The following OSBP2 variants were observed in gnomAD, a reference collection of about 807,000 sequenced individuals.
OSBP2 encodes the protein oxysterol binding protein 2, also known as oxysterol-binding protein 2.
OSBP2 carries 66 observed loss-of-function variants against 96.0 expected under a neutral mutation model. That is an observed-to-expected ratio of 0.69 (90% CI 0.56 to 0.84). OSBP2 has a LOEUF of 0.84. OSBP2 is among the 40% of genes least tolerant of loss of function. OSBP2 has a pLI of 0.00. For missense variants in OSBP2, 1,038 were observed against 1,222.7 expected, an observed-to-expected ratio of 0.85 and a Z score of 2.25; for synonymous variants, 525 against 520.9, an observed-to-expected ratio of 1.01 and a Z score of -0.11.
chr22:30,846,605 C>A (rs773942520), intron 2 of OSBP2, among the ~76,000 whole-genome samples: 2 of 152,016 alleles, frequency 1.3e-5, no homozygotes, highest in Non-Finnish European at 2.9e-5. Flanking sequence ...CCCCTTCCCT[C>A]CCTCTCACTC....
intron 2 of OSBP2, chr22:30,764,288 G>A (rs2090242670): frequency 1.2e-5 from 12 of 985,012 alleles, no homozygotes; most frequent in Middle Eastern, 5.2e-4. Context: ...TGGGGTGGGC[G>A]GGGATGAGGA....
chr22:30,896,835 A>G (rs1049060591), intron 12 of OSBP2, among the ~76,000 whole-genome samples: 3 of 151,886 alleles, frequency 2.0e-5, no homozygotes, highest in African/African-American at 7.3e-5. Flanking sequence ...TTTTATAGAG[A>G]CAGGGTGTCA....
At chr22:30,788,282 A>G (rs2145820938) in intron 2 of OSBP2, among the ~76,000 whole-genome samples, 1 of 152,186 alleles carries the variant, frequency 6.6e-6, no homozygotes, top group East Asian at 1.9e-4. Context: ...ATATCCTTTT[A>G]TATACAGTTT....
intron 2 of OSBP2, among the ~76,000 whole-genome samples, chr22:30,792,390 C>T (rs530044083): frequency 1.5e-4 from 22 of 151,508 alleles, no homozygotes; most frequent in Non-Finnish European, 2.8e-4. Flanking sequence ...GTATTTTTTT[C>T]ATCCACCATC....
At chr22:30,857,142 C>T (rs2039095025) in intron 2 of OSBP2, among the ~76,000 whole-genome samples, 1 of 152,228 alleles carries the variant, frequency 6.6e-6, no homozygotes, top group African/African-American at 2.4e-5. Context: ...GTAGTGACTG[C>T]AGCAGCCCCC....
At chr22:30,776,375 C>T (rs2090436846) in intron 2 of OSBP2, among the ~76,000 whole-genome samples, 1 of 152,064 alleles carries the variant, frequency 6.6e-6, no homozygotes, top group South Asian at 2.1e-4. Context: ...TCTGCCCGCC[C>T]CTGCCTCCCA....
At chr22:30,774,625 CAGTA>C (rs1222423411) in intron 2 of OSBP2, among the ~76,000 whole-genome samples, 1 of 152,202 alleles carries the variant, frequency 6.6e-6, no homozygotes, top group Non-Finnish European at 1.5e-5. Context: ...ACTCACCCAG[CAGTA>C]ATGACAGTTA....
At chr22:30,789,429 C>T (rs911506013) in intron 2 of OSBP2, among the ~76,000 whole-genome samples, 5 of 152,158 alleles carry the variant, frequency 3.3e-5, no homozygotes, top group Non-Finnish European at 7.3e-5. Context: ...AAGTGGGCTC[C>T]GGTCTGCTTT....
chr22:30,857,073 T>C (rs2039093695), intron 2 of OSBP2, among the ~76,000 whole-genome samples: 1 of 152,220 alleles, frequency 6.6e-6, no homozygotes, highest in Non-Finnish European at 1.5e-5. Flanking sequence ...TTTTCTCCTT[T>C]GCAAAAACTG....
intron 2 of OSBP2, among the ~76,000 whole-genome samples, chr22:30,813,828 G>A (rs2091045040): frequency 6.6e-6 from 1 of 151,086 alleles, no homozygotes; most frequent in Non-Finnish European, 1.5e-5. Context: ...TTGAGATGGA[G>A]TTTTGCTCTT....
chr22:30,726,565 G>T (rs888378290), intron 1 of OSBP2, among the ~76,000 whole-genome samples: 1 of 151,620 alleles, frequency 6.6e-6, no homozygotes, highest in Non-Finnish European at 1.5e-5. Context: ...GTTGATAGGT[G>T]CAGCAGACCA....
At chr22:30,706,414 C>G (rs1049268614) in intron 1 of OSBP2, among the ~76,000 whole-genome samples, 1 of 152,124 alleles carries the variant, frequency 6.6e-6, no homozygotes, top group Non-Finnish European at 1.5e-5. Context: ...GTCACACGCA[C>G]AGCCACAGCT....
At chr22:30,806,289 A>G (rs1336895985) in intron 2 of OSBP2, among the ~76,000 whole-genome samples, 2 of 152,198 alleles carry the variant, frequency 1.3e-5, no homozygotes, top group African/African-American at 4.8e-5. Context: ...CTCCAGGCTC[A>G]CAATCCAGTG....
intron 2 of OSBP2, among the ~76,000 whole-genome samples, chr22:30,864,878 G>C (rs1242149898): frequency 6.6e-6 from 1 of 152,062 alleles, no homozygotes; most frequent in African/African-American, 2.4e-5. Context: ...GAGCTCACGG[G>C]CAGTGAGGGC....
chr22:30,805,232 C>A (rs1466254294), intron 2 of OSBP2, among the ~76,000 whole-genome samples: 1 of 152,174 alleles, frequency 6.6e-6, no homozygotes, highest in African/African-American at 2.4e-5. Context: ...ATAAAACGTG[C>A]ATGAAAAATA....
intron 2 of OSBP2, among the ~76,000 whole-genome samples, chr22:30,785,469 A>G (rs1181845264): frequency 1.3e-5 from 2 of 151,350 alleles, no homozygotes; most frequent in Non-Finnish European, 2.9e-5. Context: ...CAGGAAGCTG[A>G]GGAAAGAGAA....
At chr22:30,882,491 C>T (rs1402426019) in intron 3 of OSBP2, among the ~76,000 whole-genome samples, 3 of 144,762 alleles carry the variant, frequency 2.1e-5, no homozygotes, top group African/African-American at 5.2e-5. Flanking sequence ...ATTTCCTCCT[C>T]GGTCATGCAC....
chr22:30,709,955 G>A (rs73400346), intron 1 of OSBP2, among the ~76,000 whole-genome samples: 8,202 of 151,444 alleles, frequency 0.054, 636 homozygotes, highest in African/African-American at 0.17. Flanking sequence ...CAATCTCAGC[G>A]TACTGTAATC....
intron 1 of OSBP2, among the ~76,000 whole-genome samples, chr22:30,720,669 A>G (rs145547569): frequency 9.2e-5 from 14 of 152,320 alleles, no homozygotes; most frequent in Non-Finnish European, 2.1e-4. Context: ...GCTATTTGAA[A>G]CAAAAAGGGA....
Sources: gnomAD v4.1 joint callset for allele counts (sites outside exome capture counted in the v4.1 genomes callset) on GRCh38, gnomAD v4.1.1 for gene constraint, MANE v1.5 for transcripts, NCBI Gene and HGNC (gene_info 2026-07-23, HGNC 2026-07-21) for gene names.